The following CDKN2A variants were observed in gnomAD, a reference collection of about 807,000 sequenced individuals.
CDKN2A encodes the protein cyclin dependent kinase inhibitor 2A.
CDKN2A carries 3 observed loss-of-function variants against 11.1 expected under a neutral mutation model. The ratio of observed to expected loss-of-function variants is 0.27; its 90% confidence interval spans 0.12 to 0.70. The LOEUF is 0.70. Among genes scored for constraint, CDKN2A ranks in the 30% least tolerant of loss-of-function variants. The pLI is 0.77. For missense variants in CDKN2A, 265 were observed against 233.6 expected (o/e 1.13, Z -0.88); for synonymous variants, 122 against 108.1 (o/e 1.13, Z -0.80).
chr9:21,990,648 G>GAGAGAGAGAGAGAGAGAGAGAGAGAA (rs1261600637), intron 2 of CDKN2A, among the ~76,000 whole-genome samples: 5 of 149,484 alleles, frequency 3.3e-5, no homozygotes, highest in African/African-American at 1.3e-4. Flanking sequence ...GAGAGAGAGA[G>GAGAGAGAGAGAGAGAGAGAGAGAGAA]AGAAACTGTT....
At chr9:21,971,264 G>C (rs1819733369) in intron 1 of CDKN2A, 56 bp from the exon 2 acceptor site, 1 of 1,564,746 alleles carries the variant, frequency 6.4e-7, no homozygotes, top group South Asian at 1.2e-5. Context: ...TGACGGAAAG[G>C]AAGCTTGTGT....
chr9:21,974,208 G>T lies in CDKN2A; in HGVS notation c.150+470C>A, dbSNP rs1458525428. On this transcript the variant is annotated intron_variant, in intron 1 of 2. Transcript: ENST00000304494. The surrounding 1 kb of genome is among the most constrained non-coding windows in gnomAD (Gnocchi z 5.2). ...CGCCCGGCCGCTTCTGAATAATTTCGATCAAAATTTATATTCGATATTTAT... is the reference window on the plus strand; with the variant it reads ...CGCCCGGCCGCTTCTGAATAATTTCTATCAAAATTTATATTCGATATTTAT... 2.0e-5 allele frequency among the ~76,000 whole-genome samples: 3 copies of T among 152,104 alleles called. No homozygotes were observed. The highest frequency in any genetic ancestry group is 4.4e-5 in the Non-Finnish European group (3 of 68,016).
chr9:21,984,707 C>T (rs923696664), intron 2 of CDKN2A, among the ~76,000 whole-genome samples: 37 of 151,954 alleles, frequency 2.4e-4, no homozygotes, highest in African/African-American at 8.9e-4. Flanking sequence ...ATAGGTTTAA[C>T]ACTGGTTTAG....
chr9:21,981,657 T>C (rs1486904953), intron 2 of CDKN2A, among the ~76,000 whole-genome samples: 2 of 150,110 alleles, frequency 1.3e-5, no homozygotes, highest in Non-Finnish European at 2.9e-5. Flanking sequence ...CTAGCTTCAA[T>C]GTCTTGATCT....
chr9:21,981,695 A>C (rs1287099144), intron 2 of CDKN2A, among the ~76,000 whole-genome samples: 1 of 151,488 alleles, frequency 6.6e-6, no homozygotes, highest in Non-Finnish European at 1.5e-5. Context: ...ACAAACATGT[A>C]AAAACAGATT....
chr9:21,982,136 A>G (rs1820210774), intron 2 of CDKN2A, among the ~76,000 whole-genome samples: 1 of 152,196 alleles, frequency 6.6e-6, no homozygotes. Context: ...CTTCCTACTC[A>G]AACTGGATCT....
chr9:21,986,096 A>G (rs558471178), intron 2 of CDKN2A, among the ~76,000 whole-genome samples: 1 of 152,182 alleles, frequency 6.6e-6, no homozygotes, highest in Non-Finnish European at 1.5e-5. Flanking sequence ...TTTACAGATG[A>G]GAACATGAAA....
chr9:21,992,217 A>G (rs906389231), intron 2 of CDKN2A: 6 of 932,898 alleles, frequency 6.4e-6, no homozygotes, highest in Admixed American at 1.2e-4. Flanking sequence ...GTGCCTCTCA[A>G]GGAATTGTAT....
Position 21,967,865 on chromosome 9 carries a change from A to C in CDKN2A, c.*364T>G. The C allele has an allele frequency of 2.9e-6, 1 of 341,692 alleles. No homozygotes were observed. Among genetic ancestry groups the C allele is most frequent in the Non-Finnish European group, 5.4e-6 (1 of 186,500 alleles). 21.2% of individuals were successfully genotyped at this position (341,692 alleles called of 1,614,324 possible). A position where few individuals can be genotyped will look rare whatever the true frequency, so the allele number is the denominator to read the frequency against. The stretch of plus-strand genomic sequence containing the variant: ...CCCCTGAGCTTCCCTAGTTCACAAA[A>C]TGCTTGTCATGAAGTCGACAGCTTC... On this transcript the variant is annotated 3_prime_UTR_variant, in exon 3 of 3. Transcript: ENST00000304494.
At chr9:21,969,628 A>G in intron 2 of CDKN2A, 1 of 392,296 alleles carries the variant, frequency 2.5e-6, no homozygotes, top group Non-Finnish European at 4.5e-6. Flanking sequence ...CTTGTGGCCC[A>G]ATTCAGTAGT....
chr9:21,968,203 G>A lies in CDKN2A; in HGVS notation c.*26C>T, dbSNP rs2131079191. On this transcript the variant is annotated 3_prime_UTR_variant, in exon 3 of 3. Transcript: ENST00000304494. The surrounding 1 kb of genome is among the most constrained non-coding windows in gnomAD (Gnocchi z 4.7). The stretch of plus-strand genomic sequence containing the variant: ...GTGACTGATGATCTAAGTTTCCCGA[G>A]GTTTCTCAGAGCCTCTCTGGTTCTT... 1.2e-6 allele frequency: 2 copies of A among 1,612,058 alleles called. No homozygotes were observed. Among genetic ancestry groups the A allele is most frequent in the Non-Finnish European group, 1.7e-6 (2 of 1,178,306 alleles).
chr9:21,975,045 A>G, upstream of CDKN2A: 3 of 1,364,104 alleles, frequency 2.2e-6, no homozygotes, highest in South Asian at 3.7e-5. Context: ...AGGAGGTGCT[A>G]TTAACTCCGA....
In CDKN2A at chr9:21,968,880, T is replaced by C. The variant is rs569174213; in HGVS notation, c.458-638A>G. 3 of 1,061,694 alleles carry C rather than the reference T, an allele frequency of 2.8e-6. No individual in the cohort carries two copies. The East Asian group carries it at 7.8e-5, about 27-fold the overall frequency. The allele number at this position is 1,061,694 out of a possible 1,614,324, so 65.8% of individuals were successfully genotyped here. ...GCCGTTCGGTTCTCCCGAGGCAGCA[T>C]TTACACTTGAGAGTCTCAAGATTAT... On this transcript the variant is annotated intron_variant, in intron 2 of 2. Transcript: ENST00000304494. The surrounding 1 kb of genome is among the most constrained non-coding windows in gnomAD (Gnocchi z 4.7).
rs3731195 is a variant in CDKN2A at position 21,991,696 on chromosome 9, A to G, written c.-4+2186T>C. On this transcript the variant is annotated intron_variant, in intron 2 of 3. Transcript: ENST00000494262. This position sits in a 1 kb window ranked among gnomAD's most constrained non-coding sequence, Gnocchi z 5.2. ...GAATAATAGATCTGTAAACCATCAT[A>G]GACGGTAATAGGCTATGTTGTTGCT... is the stretch of plus-strand genomic sequence containing the variant. The G allele has an allele frequency of 6.3e-4, 621 of 982,618 alleles. No homozygotes were observed. Among genetic ancestry groups the G allele is most frequent in the Non-Finnish European group, 6.9e-4 (571 of 827,334 alleles). 60.9% of individuals were successfully genotyped at this position (982,618 alleles called of 1,614,324 possible).
rs760914174 is a variant in CDKN2A, at chr9:21,994,111, C to T, written c.-175-58G>A. ...CCAAACAAAACAAGTGCCGAATGCG[C>T]CCCGGACTTTTCGAGGGCCTTTCCT... On this transcript the variant is annotated intron_variant, in intron 1 of 3. Coordinates refer to the CDKN2A transcript ENST00000494262. The T allele has an allele frequency of 6.3e-6, 10 of 1,596,382 alleles. No individual in the cohort carries two copies. In the South Asian group the frequency reaches 9.9e-5, roughly 16 times the overall value.
At chr9:21,992,795 G>A (rs1050150127) in intron 2 of CDKN2A, among the ~76,000 whole-genome samples, 2 of 151,518 alleles carry the variant, frequency 1.3e-5, no homozygotes, top group Non-Finnish European at 2.9e-5. Context: ...TACAGTTACC[G>A]GTCACAGTGG....
rs776615460 is a variant in CDKN2A at position 21,994,203 on chromosome 9, C to G, written c.-175-150G>C. ...TCCTCAGTAGCATCAGCACGAGGGC[C>G]ACAGCGGCGGGCGCCCCTGGCGCTG... On this transcript the variant is annotated intron_variant, in intron 1 of 3. Transcript: ENST00000494262. 1 of 1,606,716 alleles carries G rather than the reference C, an allele frequency of 6.2e-7. No homozygotes were observed. Among genetic ancestry groups the G allele is most frequent in the Non-Finnish European group, 8.5e-7 (1 of 1,179,808 alleles).
In CDKN2A at chr9:21,994,310, T is replaced by C. The variant is rs1820536864; in HGVS notation, c.-175-257A>G. 1 of 1,604,348 alleles carries C rather than the reference T, an allele frequency of 6.2e-7. No homozygotes were observed. The highest frequency in any genetic ancestry group is 1.3e-5 in the African/African-American group (1 of 74,646). ...CCGCACGCGCGCCGAATCCGGAGGGTCACCAAGAACCTGCGCACCATGTTC... is the reference window on the plus strand; with the variant it reads ...CCGCACGCGCGCCGAATCCGGAGGGCCACCAAGAACCTGCGCACCATGTTC... On this transcript the variant is annotated intron_variant, in intron 1 of 3. Coordinates refer to the CDKN2A transcript ENST00000494262.
chr9:21,972,820 A>G (rs1356473480), intron 1 of CDKN2A, among the ~76,000 whole-genome samples: 5 of 152,188 alleles, frequency 3.3e-5, no homozygotes, highest in Non-Finnish European at 7.3e-5. Flanking sequence ...TGCATGGTGG[A>G]AGTAGACAAT....
Sources: gnomAD v4.1 joint callset for allele counts (sites outside exome capture counted in the v4.1 genomes callset) on GRCh38, gnomAD v4.1.1 for gene constraint, Gnocchi (gnomAD v3.1) non-coding constraint, MANE v1.5 for transcripts, NCBI Gene and HGNC (gene_info 2026-07-23, HGNC 2026-07-21) for gene names.